The following ABTB2 variants were observed in gnomAD, a reference collection of about 807,000 sequenced individuals.
ABTB2 encodes ankyrin repeat and BTB domain containing 2.
ABTB2 carries 56 observed loss-of-function variants against 104.1 expected under a neutral mutation model. The ratio of observed to expected loss-of-function variants is 0.54; its 90% CI spans 0.43 to 0.67. The LOEUF is 0.67. Ranked by LOEUF, ABTB2 falls within the 30% of genes least tolerant of loss-of-function variation. The probability of loss-of-function intolerance (pLI) is 0.00; values close to 1 mark genes in which losing one functional copy is unlikely to be tolerated. For missense variants in ABTB2, 1,279 were observed against 1,407.7 expected, an observed-to-expected ratio of 0.91 and a Z score of 1.46; for synonymous variants, 606 against 608.2, an observed-to-expected ratio of 1.00 and a Z score of 0.05.
At chr11:34,164,107 A>ATCCAGCCCTGCTTATCCAGCCCCGCTTT in intron 9 of ABTB2, among the ~76,000 whole-genome samples, 1 of 150,834 alleles carries the variant, frequency 6.6e-6, no homozygotes, top group South Asian at 2.1e-4. Context: ...AGCCCTGCTT[A>ATCCAGCCCTGCTTATCCAGCCCCGCTTT]TCCAGCCCCG....
chr11:34,223,251 C>T lies in ABTB2; in HGVS notation c.884-18561G>A, dbSNP rs563788204. 1.2e-4 allele frequency among the ~76,000 whole-genome samples: 19 copies of T among 152,252 alleles called. No homozygotes were observed. The South Asian group carries it at 1.7e-3, about 13-fold the overall frequency. On this transcript the variant is annotated intron_variant, in intron 1 of 16. Transcript: ENST00000435224. ...GCAGAACCTGTTTCCTCAGCCCTCC[C>T]GACTGGAGCAGAGGTGGCAACGTCC... is the stretch of plus-strand genomic sequence containing the variant.
intron 2 of ABTB2, 111 bp from the exon 3 acceptor site, chr11:34,197,649 T>C (rs1016152287): frequency 3.9e-6 from 3 of 769,216 alleles, no homozygotes; most frequent in Non-Finnish European, 6.1e-6. Flanking sequence ...TCCCTTGCCT[T>C]AGTGCATAAT....
intron 1 of ABTB2, among the ~76,000 whole-genome samples, chr11:34,270,102 A>T (rs1180870734): frequency 1.3e-5 from 2 of 152,206 alleles, no homozygotes; most frequent in Non-Finnish European, 2.9e-5. Flanking sequence ...ACGGATGCAC[A>T]ACGATCCAAG....
chr11:34,264,987 T>A (rs1277030809), intron 1 of ABTB2, among the ~76,000 whole-genome samples: 1 of 152,232 alleles, frequency 6.6e-6, no homozygotes, highest in Non-Finnish European at 1.5e-5. Flanking sequence ...AAAGGGGAGA[T>A]GTGCATTGCA....
rs1855461780 is a variant in ABTB2, at chr11:34,356,138, C to A, written c.883+563G>T. 6.6e-6 allele frequency among the ~76,000 whole-genome samples: 1 copy of A among 152,188 alleles called. No homozygotes were observed. Among genetic ancestry groups the A allele is most frequent in the South Asian group, 2.1e-4 (1 of 4,832 alleles). On this transcript the variant is annotated intron_variant, in intron 1 of 16. Transcript: ENST00000435224. This position sits in a 1 kb window ranked among gnomAD's most constrained non-coding sequence, Gnocchi z 4.6. ...GAGCGAACCACTACCCCTCCATCCCCCAAGAGAGCGCCTGACAGCATCCTT... is the reference window on the plus strand; with the variant it reads ...GAGCGAACCACTACCCCTCCATCCCACAAGAGAGCGCCTGACAGCATCCTT...
intron 3 of ABTB2, among the ~76,000 whole-genome samples, chr11:34,192,779 G>A (rs769151607): frequency 1.3e-5 from 2 of 152,232 alleles, no homozygotes; most frequent in Non-Finnish European, 2.9e-5. Flanking sequence ...CTGGAAGGGT[G>A]CCTGGGGGAC....
At chr11:34,315,836 A>G (rs1008234686) in intron 1 of ABTB2, among the ~76,000 whole-genome samples, 1 of 152,166 alleles carries the variant, frequency 6.6e-6, no homozygotes, top group Non-Finnish European at 1.5e-5. Flanking sequence ...TGCTTCTGAC[A>G]CACAGAATTC....
At chr11:34,164,357 C>T (rs1852766635) in intron 9 of ABTB2, among the ~76,000 whole-genome samples, 1 of 120,928 alleles carries the variant, frequency 8.3e-6, no homozygotes, top group African/African-American at 2.6e-5. Flanking sequence ...TGGAGGACCA[C>T]CAGCAGGCAT....
intron 1 of ABTB2, among the ~76,000 whole-genome samples, chr11:34,342,906 T>C (rs1372672701): frequency 6.6e-6 from 1 of 152,102 alleles, no homozygotes; most frequent in East Asian, 1.9e-4. Flanking sequence ...CATCTTATGG[T>C]GTCACTCCCA....
intron 1 of ABTB2, among the ~76,000 whole-genome samples, chr11:34,334,375 C>T (rs1855167930): frequency 6.6e-6 from 1 of 152,128 alleles, no homozygotes; most frequent in African/African-American, 2.4e-5. Flanking sequence ...ACTCACTTCT[C>T]AGAGCATTTT....
rs1269990206 is a variant in ABTB2, at chr11:34,272,859, T to G, written c.884-68169A>C. Among the ~76,000 whole-genome samples, 4 of 152,208 alleles carry G rather than the reference T, an allele frequency of 2.6e-5. No individual in the cohort carries two copies. In the East Asian group the frequency reaches 7.7e-4, roughly 29 times the overall value. On this transcript the variant is annotated intron_variant, in intron 1 of 16. Coordinates refer to ENST00000435224, the MANE Select transcript of ABTB2 (RefSeq NM_145804.3). ...GACGCAGTTCAGAGCTGTGGTTAAGTGTACAGCCTCTAATTCCAGACTGTC... is the reference window on the plus strand; with the variant it reads ...GACGCAGTTCAGAGCTGTGGTTAAGGGTACAGCCTCTAATTCCAGACTGTC...
At chr11:34,315,853 C>T (rs117637012) in intron 1 of ABTB2, among the ~76,000 whole-genome samples, 7,500 of 152,250 alleles carry the variant, frequency 0.049, 212 homozygotes, top group Non-Finnish European at 0.065. Flanking sequence ...ATTCCCAACA[C>T]CTGTGCCAGC....
chr11:34,326,999 C>T (rs1329724325), intron 1 of ABTB2, among the ~76,000 whole-genome samples: 2 of 151,876 alleles, frequency 1.3e-5, no homozygotes, highest in Non-Finnish European at 2.9e-5. Context: ...CGCTTAAACC[C>T]GGGAGGTGGA....
At chr11:34,318,051 C>T (rs1002112707) in intron 1 of ABTB2, among the ~76,000 whole-genome samples, 1 of 151,746 alleles carries the variant, frequency 6.6e-6, no homozygotes, top group African/African-American at 2.4e-5. Context: ...ACTGCAACCT[C>T]CAGCTCCTGG....
At chr11:34,320,736 C>T (rs1854990256) in intron 1 of ABTB2, among the ~76,000 whole-genome samples, 1 of 152,186 alleles carries the variant, frequency 6.6e-6, no homozygotes, top group Admixed American at 6.5e-5. Context: ...CTTTATCTCC[C>T]CTGGGCAATC....
chr11:34,173,641 C>A (rs979559970), intron 3 of ABTB2, among the ~76,000 whole-genome samples: 1 of 152,138 alleles, frequency 6.6e-6, no homozygotes, highest in African/African-American at 2.4e-5. Context: ...AACCTGAGGG[C>A]CCTCAGGTGG....
chr11:34,231,929 T>A (rs1227306561), intron 1 of ABTB2, among the ~76,000 whole-genome samples: 1 of 152,110 alleles, frequency 6.6e-6, no homozygotes, highest in Non-Finnish European at 1.5e-5. Flanking sequence ...TCCTCTAAAC[T>A]GTCAAGCTCA....
intron 3 of ABTB2, 48 bp from the exon 4 acceptor site, chr11:34,173,355 G>A (rs1852913094): frequency 6.6e-7 from 1 of 1,522,072 alleles, no homozygotes; most frequent in Non-Finnish European, 8.9e-7. Flanking sequence ...GGTCCCTGCA[G>A]GGCAGCAGAG....
chr11:34,279,945 C>T (rs1207236961), intron 1 of ABTB2, among the ~76,000 whole-genome samples: 1 of 151,954 alleles, frequency 6.6e-6, no homozygotes, highest in Non-Finnish European at 1.5e-5. Flanking sequence ...CGTGCCACCA[C>T]ACCTGGCCAG....
Sources: allele counts gnomAD v4.1 joint callset (sites outside exome capture counted in the v4.1 genomes callset), GRCh38; gene constraint gnomAD v4.1.1; non-coding constraint Gnocchi (gnomAD v3.1); transcripts MANE v1.5; gene names NCBI Gene and HGNC (gene_info 2026-07-23, HGNC 2026-07-21).